Variants in ELOF1 observed in about 807,000 individuals in gnomAD.
ELOF1 encodes elongation factor 1, also known as transcription elongation factor 1 homolog.
ELOF1 carries 4 observed loss-of-function variants against 7.1 expected under a neutral mutation model. That is an observed-to-expected ratio of 0.56 (90% CI 0.28 to 1.29). The LOEUF (loss-of-function observed/expected upper bound fraction) is 1.29. ELOF1 is among the 50% of genes most tolerant of loss of function. The probability of loss-of-function intolerance (pLI) is 0.10; values close to 1 mark genes in which losing one functional copy is unlikely to be tolerated. For synonymous variants in ELOF1, 31 were observed against 31.9 expected, an observed-to-expected ratio of 0.97 and a Z score of 0.09; for missense variants, 59 against 86.3, an observed-to-expected ratio of 0.68 and a Z score of 1.25.
At chr19:11,553,689 C>T in intron 3 of ELOF1, 3 of 1,609,564 alleles carry the variant, frequency 1.9e-6, no homozygotes, top group Non-Finnish European at 2.5e-6. Context: ...TGGACCAGAA[C>T]CGAACAGCTG....
intron 3 of ELOF1, chr19:11,553,708 G>A (rs746254100): frequency 9.3e-6 from 15 of 1,613,588 alleles, no homozygotes; most frequent in African/African-American, 1.3e-5. Context: ...TGGATCCACA[G>A]TACGCGGGGC....
intron 1 of ELOF1, among the ~76,000 whole-genome samples, chr19:11,555,877 G>A (rs956736371): frequency 6.6e-6 from 1 of 152,178 alleles, no homozygotes; most frequent in African/African-American, 2.4e-5. Flanking sequence ...CAGAGTGAGT[G>A]AGTGTGACGA....
intron 1 of ELOF1, chr19:11,555,029 C>T (rs142977772): frequency 2.2e-4 from 35 of 155,872 alleles, no homozygotes; most frequent in Middle Eastern, 6.5e-3. Context: ...GAGGCTGAGG[C>T]GGGCGGATCA....
At chr19:11,557,146 T>A (rs1972844998) in intron 1 of ELOF1, among the ~76,000 whole-genome samples, 1 of 152,062 alleles carries the variant, frequency 6.6e-6, no homozygotes, top group South Asian at 2.1e-4. Context: ...ATACTGCAAA[T>A]CCCAATGGCA....
chr19:11,553,598 C>T (rs1972770931), intron 3 of ELOF1: 2 of 535,820 alleles, frequency 3.7e-6, no homozygotes, highest in Admixed American at 6.7e-5. Flanking sequence ...CACACACACA[C>T]ACACACACAC....
chr19:11,553,972 TC>T (rs1348940846), intron 3 of ELOF1, 38 bp downstream of exon 3: 2 of 1,613,780 alleles, frequency 1.2e-6, no homozygotes, highest in Admixed American at 3.3e-5. Flanking sequence ...TCCAGCCCCC[TC>T]CCCACCCTCT....
intron 1 of ELOF1, among the ~76,000 whole-genome samples, chr19:11,556,929 A>C (rs957691545): frequency 5.9e-5 from 9 of 152,034 alleles, no homozygotes; most frequent in Admixed American, 4.6e-4. Flanking sequence ...CTTTTCTTTG[A>C]GCAACATCAA....
In ELOF1 at chr19:11,553,879, A is replaced by C. The variant is rs755651968; in HGVS notation, c.187+132T>G. 4 of 1,612,152 alleles carry C rather than the reference A, an allele frequency of 2.5e-6. No individual in the cohort carries two copies. The South Asian group carries it at 4.4e-5, about 18-fold the overall frequency. ...GCCCTGCATCTTCTCACCCCACAGA[A>C]ATCACTAGGTGGCACCTGTTCCTCT... On this transcript the variant is annotated intron_variant, in intron 3 of 3. Transcript: ENST00000586683.
At chr19:11,553,399 G>A in intron 3 of ELOF1, 3 of 463,658 alleles carry the variant, frequency 6.5e-6, no homozygotes, top group Non-Finnish European at 3.8e-6. Flanking sequence ...AAGGCTGGGG[G>A]GCCAGGGGCT....
intron 3 of ELOF1, chr19:11,553,125 C>A (rs1265935323): frequency 1.5e-5 from 6 of 401,822 alleles, no homozygotes; most frequent in Non-Finnish European, 2.2e-5. Context: ...ACAAAAGCAA[C>A]TGAACATGAA....
At chr19:11,553,261 G>C (rs953407931) in intron 3 of ELOF1, 2 of 398,518 alleles carry the variant, frequency 5.0e-6, no homozygotes, top group Non-Finnish European at 8.9e-6. Flanking sequence ...AGAGCGGGAA[G>C]TCCAGTTGAG....
intron 3 of ELOF1, 89 bp downstream of exon 3, chr19:11,553,922 C>T (rs1264305092): frequency 4.2e-5 from 68 of 1,608,294 alleles, no homozygotes; most frequent in Non-Finnish European, 5.7e-5. Flanking sequence ...TTTGGCCCTG[C>T]ACCAGGGCAC....
At chr19:11,554,467 T>C (rs1972797809) in intron 1 of ELOF1, 102 bp from the exon 2 acceptor site, 5 of 1,479,786 alleles carry the variant, frequency 3.4e-6, no homozygotes, top group Middle Eastern at 2.3e-4. Context: ...ACTTGCACCG[T>C]GGTCCCGGGG....
intron 2 of ELOF1, 72 bp from the exon 3 acceptor site, chr19:11,554,153 G>A (rs958898033): frequency 1.2e-5 from 19 of 1,614,038 alleles, no homozygotes; most frequent in Middle Eastern, 1.6e-4. Context: ...CCTTCACCAA[G>A]GGAGGCAAGG....
intron 3 of ELOF1, chr19:11,553,649 G>A (rs1471039639): frequency 4.6e-6 from 6 of 1,315,450 alleles, no homozygotes; most frequent in East Asian, 5.0e-5. Flanking sequence ...GACAGCCCAG[G>A]ACCCACACCC....
chr19:11,554,542 G>C (rs1972799728), intron 1 of ELOF1, 177 bp from the exon 2 acceptor site: 2 of 885,266 alleles, frequency 2.3e-6, no homozygotes. Context: ...GTCCCACTCT[G>C]GATGGAAGGG....
chr19:11,557,200 G>A (rs528130606), intron 1 of ELOF1, among the ~76,000 whole-genome samples: 1 of 152,206 alleles, frequency 6.6e-6, no homozygotes, highest in African/African-American at 2.4e-5. Context: ...GAGCACATGT[G>A]GCTCTCAGGA....
At chr19:11,554,521 G>C in intron 1 of ELOF1, 156 bp from the exon 2 acceptor site, 1 of 1,073,736 alleles carries the variant, frequency 9.3e-7, no homozygotes. Context: ...GATGCAGGAG[G>C]ACAATTCCCT....
At chr19:11,556,645 T>C (rs540627147) in intron 1 of ELOF1, among the ~76,000 whole-genome samples, 40 of 152,144 alleles carry the variant, frequency 2.6e-4, no homozygotes, top group South Asian at 4.1e-4. Flanking sequence ...ACTGAGTAAA[T>C]AGAAGCAATC....
Sources: gnomAD v4.1 joint callset for allele counts (sites outside exome capture counted in the v4.1 genomes callset) on GRCh38, gnomAD v4.1.1 for gene constraint, MANE v1.5 for transcripts, NCBI Gene and HGNC (gene_info 2026-07-23, HGNC 2026-07-21) for gene names.